MGMT: variants seen among roughly 807,000 people sequenced by gnomAD.
MGMT encodes methylated-DNA--protein-cysteine methyltransferase.
Under a neutral mutation model 15.9 loss-of-function variants are expected in MGMT, and 14 were observed. The ratio of observed to expected loss-of-function variants is 0.88; its 90% CI spans 0.58 to 1.37. The LOEUF is 1.37. Ranked by LOEUF, MGMT falls within the 40% of genes most tolerant of loss-of-function variation. MGMT has a pLI of 0.00. For synonymous variants in MGMT, 130 were observed against 118.2 expected (o/e 1.10, Z -0.65); for missense variants, 282 against 268.1 (o/e 1.05, Z -0.36).
intron 2 of MGMT, among the ~76,000 whole-genome samples, chr10:129,655,531 T>A (rs1589918294): frequency 6.6e-6 from 1 of 152,330 alleles, no homozygotes; most frequent in Admixed American, 6.5e-5. Context: ...CTTTGTTGTC[T>A]CCTTGTGACC....
intron 4 of MGMT, among the ~76,000 whole-genome samples, chr10:129,765,017 C>T (rs1376985255): frequency 6.6e-6 from 1 of 152,120 alleles, no homozygotes; most frequent in African/African-American, 2.4e-5. Flanking sequence ...CCAGAGCGAG[C>T]TTGGTGCCCT....
intron 2 of MGMT, among the ~76,000 whole-genome samples, chr10:129,629,841 G>A (rs1340161074): frequency 2.0e-5 from 3 of 152,094 alleles, no homozygotes; most frequent in African/African-American, 7.2e-5. Flanking sequence ...GGACTTTTCC[G>A]GAATAACCCA....
At chr10:129,543,098 T>G (rs2119772675) in intron 2 of MGMT, among the ~76,000 whole-genome samples, 1 of 152,222 alleles carries the variant, frequency 6.6e-6, no homozygotes, top group African/African-American at 2.4e-5. Flanking sequence ...TGAATTATGT[T>G]CCGTGACGAG....
At chr10:129,687,451 AG>A (rs1847917572) in intron 2 of MGMT, among the ~76,000 whole-genome samples, 1 of 152,194 alleles carries the variant, frequency 6.6e-6, no homozygotes, top group Non-Finnish European at 1.5e-5. Context: ...TCTGGTGCAC[AG>A]GGGGGACCCA....
At chr10:129,526,410 C>A (rs1385744670) in intron 1 of MGMT, among the ~76,000 whole-genome samples, 1 of 152,028 alleles carries the variant, frequency 6.6e-6, no homozygotes, top group Non-Finnish European at 1.5e-5. Flanking sequence ...CTCTTCCTCC[C>A]CCAGGTGAGC....
At chr10:129,650,499 C>T (rs531505770) in intron 2 of MGMT, among the ~76,000 whole-genome samples, 1 of 152,238 alleles carries the variant, frequency 6.6e-6, no homozygotes. Flanking sequence ...GGTGCCGGTA[C>T]GTGATTGGAA....
chr10:129,693,465 G>A (rs910926669), intron 2 of MGMT, among the ~76,000 whole-genome samples: 7 of 152,134 alleles, frequency 4.6e-5, no homozygotes, highest in African/African-American at 9.7e-5. Flanking sequence ...AGCGTTGGCC[G>A]GAAGCATAAC....
intron 2 of MGMT, among the ~76,000 whole-genome samples, chr10:129,706,559 GA>G (rs56809834): frequency 0.019 from 2,903 of 152,286 alleles, 95 homozygotes; most frequent in African/African-American, 0.064. Flanking sequence ...AAGGAAACTA[GA>G]AAACTTCCGT....
chr10:129,514,177 G>A (rs919025448), intron 1 of MGMT, among the ~76,000 whole-genome samples: 3 of 152,120 alleles, frequency 2.0e-5, no homozygotes, highest in African/African-American at 7.2e-5. Context: ...ATTTTTGTTC[G>A]TGTTTGAAAT....
chr10:129,736,698 C>T (rs1054067747), intron 3 of MGMT, among the ~76,000 whole-genome samples: 22 of 152,208 alleles, frequency 1.4e-4, no homozygotes, highest in East Asian at 1.2e-3. Context: ...CGGCTGGTAC[C>T]GGTTGTTCCT....
chr10:129,691,271 C>T (rs1005693841), intron 2 of MGMT, among the ~76,000 whole-genome samples: 1 of 152,208 alleles, frequency 6.6e-6, no homozygotes, highest in African/African-American at 2.4e-5. Flanking sequence ...TGCCGGTCCT[C>T]AGAAAGTGAC....
chr10:129,690,779 C>T lies in MGMT; in HGVS notation c.126-17116C>T, dbSNP rs566980113. On this transcript the variant is annotated intron_variant, in intron 2 of 4. Transcript: ENST00000651593. ...TCAGGGGGAGGCAAGTTGGCCAGAT[C>T]GGCTGGAGCTTGGGATTCAGCCAGG... Among the ~76,000 whole-genome samples the T allele has an allele frequency of 2.0e-5, 3 of 152,152 alleles. No homozygotes were observed. In the East Asian group the frequency reaches 5.8e-4, roughly 29 times the overall value.
intron 3 of MGMT, among the ~76,000 whole-genome samples, chr10:129,747,495 C>G (rs962761925): frequency 3.3e-5 from 5 of 152,024 alleles, no homozygotes; most frequent in African/African-American, 7.2e-5. Context: ...TTTTTAATAG[C>G]CTTTGTTTTT....
At chr10:129,728,004 C>A (rs1203116578) in intron 3 of MGMT, among the ~76,000 whole-genome samples, 1 of 152,108 alleles carries the variant, frequency 6.6e-6, no homozygotes, top group Non-Finnish European at 1.5e-5. Context: ...TGCCAGCCTC[C>A]CTCCAGGCCA....
intron 2 of MGMT, among the ~76,000 whole-genome samples, chr10:129,588,326 C>T (rs983622564): frequency 2.6e-5 from 4 of 152,134 alleles, no homozygotes; most frequent in Admixed American, 6.5e-5. Flanking sequence ...ACCCATGGGG[C>T]GGATGAGACA....
intron 2 of MGMT, among the ~76,000 whole-genome samples, chr10:129,651,666 G>A (rs1002045905): frequency 2.0e-5 from 3 of 152,020 alleles, no homozygotes; most frequent in Non-Finnish European, 4.4e-5. Flanking sequence ...AATCCATACC[G>A]GTCGTTTGCC....
chr10:129,767,260 T>C lies in MGMT; in HGVS notation c.*263T>C. On this transcript the variant is annotated 3_prime_UTR_variant, in exon 5 of 5. Transcript: ENST00000651593. The stretch of plus-strand genomic sequence containing the variant: ...AAGTGAGTGTGGAAGGCCTGGCTCA[T>C]GTTGGGCCACAGCCCAGGATGGGGC... 1 of 333,596 alleles carries C rather than the reference T, an allele frequency of 3.0e-6. No individual in the cohort carries two copies. The highest frequency in any genetic ancestry group is 5.5e-6 in the Non-Finnish European group (1 of 182,560). 20.7% of individuals were successfully genotyped at this position (333,596 alleles called of 1,614,324 possible).
chr10:129,764,123 G>A (rs373526022), intron 4 of MGMT, among the ~76,000 whole-genome samples: 9 of 152,334 alleles, frequency 5.9e-5, no homozygotes, highest in Middle Eastern at 3.4e-3. Flanking sequence ...AGTGTGGTGC[G>A]TGGAGCCATG....
At chr10:129,491,716 G>A (rs899627439) in intron 1 of MGMT, among the ~76,000 whole-genome samples, 1 of 151,984 alleles carries the variant, frequency 6.6e-6, no homozygotes, top group African/African-American at 2.4e-5. Flanking sequence ...TGTCCAGTCT[G>A]TTACTAAACC....
Sources: allele counts gnomAD v4.1 joint callset (sites outside exome capture counted in the v4.1 genomes callset), GRCh38; gene constraint gnomAD v4.1.1; transcripts MANE v1.5; gene names NCBI Gene and HGNC (gene_info 2026-07-23, HGNC 2026-07-21).